Variants in UCHL5 observed in about 807,000 individuals in gnomAD.
UCHL5 encodes ubiquitin C-terminal hydrolase L5, also known as ubiquitin carboxyl-terminal hydrolase isozyme L5.
In UCHL5, 34 loss-of-function variants were observed where a neutral mutation model predicts 53.8. The observed-to-expected ratio is 0.63, with a 90% confidence interval of 0.48 to 0.84. The LOEUF is 0.84. Ranked by LOEUF, UCHL5 falls within the 40% of genes least tolerant of loss-of-function variation. UCHL5 has a pLI of 0.00. For missense variants in UCHL5, 290 were observed against 385.6 expected (o/e 0.75, Z 2.08); for synonymous variants, 111 against 126.3 (o/e 0.88, Z 0.81).
intron 3 of UCHL5, among the ~76,000 whole-genome samples, chr1:193,048,817 T>C (rs1165490036): frequency 6.6e-6 from 1 of 152,252 alleles, no homozygotes; most frequent in East Asian, 1.9e-4. Context: ...ATAGTTATTT[T>C]TCATTAAAAA....
chr1:193,056,211 G>C (rs762541182), intron 1 of UCHL5, among the ~76,000 whole-genome samples: 1 of 152,024 alleles, frequency 6.6e-6, no homozygotes, highest in African/African-American at 2.4e-5. Flanking sequence ...AAATTTTAGT[G>C]ATGTCACCTC....
rs1292230119 is a variant in UCHL5 at position 193,012,848 on chromosome 1, A to G, written c.*3503T>C. The G allele has an allele frequency of 6.6e-6, 1 of 152,238 alleles. No homozygotes were observed. The highest frequency in any genetic ancestry group is 1.5e-5 in the Non-Finnish European group (1 of 68,042). 9.4% of individuals were successfully genotyped at this position (152,238 alleles called of 1,614,324 possible). A position where few individuals can be genotyped will look rare whatever the true frequency, so the allele number is the denominator to read the frequency against. On this transcript the variant is annotated 3_prime_UTR_variant, in exon 11 of 11. Coordinates refer to ENST00000367454, the MANE Select transcript of UCHL5 (RefSeq NM_001199261.3). ...ATGTACCTCATAAGATTGGCTGAATAAATCACTGAATAGTTTTCAAAAAGT... is the reference window on the plus strand; with the variant it reads ...ATGTACCTCATAAGATTGGCTGAATGAATCACTGAATAGTTTTCAAAAAGT...
chr1:193,033,850 G>A (rs1422286167), intron 3 of UCHL5, among the ~76,000 whole-genome samples: 1 of 152,128 alleles, frequency 6.6e-6, no homozygotes, highest in African/African-American at 2.4e-5. Flanking sequence ...GTAGGAACTA[G>A]AGAATAGAGA....
Position 193,028,137 on chromosome 1 carries a change from G to T in UCHL5, c.577C>A (p.Gln193Lys). The change falls in exon 7 of 11, where the codon CAA becomes AAA. Residue 193 changes from glutamine (Q) to lysine (K), a missense_variant. Gln to Lys is a moderately conservative substitution (Grantham distance 53). Coordinates refer to ENST00000367454, the MANE Select transcript of UCHL5 (RefSeq NM_001199261.3). The part of the protein sequence containing the change: ...EGPIDLGACN[Q>K]DDWISAVRPV... Reference sequence around the variant, plus strand: ...CTTACTGCACTGATCCAATCATCTTGATTGCATGCACCTAGAAAGAAATTT... The same window carrying T: ...CTTACTGCACTGATCCAATCATCTTTATTGCATGCACCTAGAAAGAAATTT... The T allele has an allele frequency of 6.3e-7, 1 of 1,596,628 alleles. No individual in the cohort carries two copies.
At chr1:193,035,579 A>T (rs2102566077) in intron 3 of UCHL5, among the ~76,000 whole-genome samples, 1 of 152,294 alleles carries the variant, frequency 6.6e-6, no homozygotes, top group South Asian at 2.1e-4. Context: ...GACTTGTTTT[A>T]TGAGAAATGC....
At chr1:193,045,684 C>G (rs1667115941) in intron 3 of UCHL5, among the ~76,000 whole-genome samples, 1 of 152,014 alleles carries the variant, frequency 6.6e-6, no homozygotes, top group African/African-American at 2.4e-5. Flanking sequence ...CAAGAATAAC[C>G]TAACACAAAT....
chr1:193,025,992 C>T (rs1229793574), intron 7 of UCHL5, among the ~76,000 whole-genome samples: 4 of 151,472 alleles, frequency 2.6e-5, no homozygotes, highest in Non-Finnish European at 5.9e-5. Context: ...TAGACCCACA[C>T]CAATATGCTC....
intron 3 of UCHL5, among the ~76,000 whole-genome samples, chr1:193,045,114 T>C (rs1666936767): frequency 6.6e-6 from 1 of 152,230 alleles, no homozygotes; most frequent in Non-Finnish European, 1.5e-5. Context: ...ATTAGTATCT[T>C]AGTGTTAGTA....
At chr1:193,055,153 T>G (rs1341906196) in intron 1 of UCHL5, among the ~76,000 whole-genome samples, 1 of 152,228 alleles carries the variant, frequency 6.6e-6, no homozygotes, top group Non-Finnish European at 1.5e-5. Flanking sequence ...GCACGTCTTC[T>G]GCAAGGAATT....
chr1:193,030,692 C>T (rs1037621156), intron 3 of UCHL5, among the ~76,000 whole-genome samples: 2 of 152,146 alleles, frequency 1.3e-5, no homozygotes, highest in African/African-American at 4.8e-5. Flanking sequence ...TCCAATAATG[C>T]TAATTAGCTT....
chr1:193,027,604 G>A (rs930694330), intron 7 of UCHL5, among the ~76,000 whole-genome samples: 2 of 152,142 alleles, frequency 1.3e-5, no homozygotes, highest in African/African-American at 4.8e-5. Flanking sequence ...AGAATCGCTT[G>A]AACTCGGGAG....
intron 7 of UCHL5, among the ~76,000 whole-genome samples, chr1:193,027,614 G>C (rs554022416): frequency 6.6e-6 from 1 of 152,146 alleles, no homozygotes; most frequent in South Asian, 2.1e-4. Context: ...GAACTCGGGA[G>C]GCAGAGGTTG....
rs890378359 is a variant in UCHL5, at chr1:193,048,955, A to G, written c.246+791T>C. ...CCCAGGCTGGAGTGTAGTGGTATGA[A>G]CATATCTCACTCAGCCTCCATATCC... On this transcript the variant is annotated intron_variant, in intron 3 of 10. Coordinates refer to ENST00000367454, the MANE Select transcript of UCHL5 (RefSeq NM_001199261.3). Among the ~76,000 whole-genome samples the G allele has an allele frequency of 2.0e-5, 3 of 152,254 alleles. No individual in the cohort carries two copies. The East Asian group carries it at 5.8e-4, about 29-fold the overall frequency.
In UCHL5 at chr1:193,039,573, G is replaced by C. The variant is rs576134185; in HGVS notation, c.247-9916C>G. 7.2e-5 allele frequency among the ~76,000 whole-genome samples: 11 copies of C among 152,236 alleles called. No homozygotes were observed. In the South Asian group the frequency reaches 2.3e-3, roughly 32 times the overall value. On this transcript the variant is annotated intron_variant, in intron 3 of 10. Transcript: ENST00000367454. ...ATATTGTTAAAATGACAATTCTACT[G>C]AAAGCAATGGACAGATTCAATGCAC...
At chr1:193,033,175 C>T (rs1662102493) in intron 3 of UCHL5, among the ~76,000 whole-genome samples, 2 of 152,158 alleles carry the variant, frequency 1.3e-5, no homozygotes, top group African/African-American at 4.8e-5. Context: ...GGCACATATA[C>T]ACCATGGAAT....
rs149042240 is a variant in UCHL5 at position 193,015,036 on chromosome 1, C to T, written c.*1315G>A. 215 of 152,138 alleles carry T rather than the reference C, an allele frequency of 1.4e-3. No individual in the cohort carries two copies. The highest frequency in any genetic ancestry group is 4.9e-3 in the African/African-American group (203 of 41,538). The allele number at this position is 152,138 out of a possible 1,614,324, so 9.4% of individuals were successfully genotyped here. The stretch of plus-strand genomic sequence containing the variant: ...CTGTATCAACAGCAAAACATATTTA[C>T]CCACAAATAACTGAGAGACTACATA... On this transcript the variant is annotated 3_prime_UTR_variant, in exon 11 of 11. Transcript: ENST00000367454.
rs1324062788 is a variant in UCHL5, at chr1:193,012,456, AAATT to A, written c.*3891_*3894del. The A allele has an allele frequency of 6.6e-6, 1 of 152,200 alleles. No individual in the cohort carries two copies. Among genetic ancestry groups the A allele is most frequent in the Non-Finnish European group, 1.5e-5 (1 of 68,032 alleles). The allele number at this position is 152,200 out of a possible 1,614,324, so 9.4% of individuals were successfully genotyped here. A position where few individuals can be genotyped will look rare whatever the true frequency, so the allele number is the denominator to read the frequency against. On this transcript the variant is annotated 3_prime_UTR_variant, in exon 11 of 11. Coordinates refer to ENST00000367454, the MANE Select transcript of UCHL5 (RefSeq NM_001199261.3). ...CCATTTAACCATCAAACATGATTGC[AAATT>A]AATATTCTTAATTATTGCACATTGG...
intron 7 of UCHL5, among the ~76,000 whole-genome samples, chr1:193,027,558 G>A (rs1250667898): frequency 1.3e-5 from 2 of 152,044 alleles, no homozygotes; most frequent in Non-Finnish European, 2.9e-5. Flanking sequence ...GGTGGCATGT[G>A]CCCATAATCC....
At chr1:193,020,701 T>C (rs1656663618) in intron 10 of UCHL5, among the ~76,000 whole-genome samples, 1 of 149,446 alleles carries the variant, frequency 6.7e-6, no homozygotes, top group African/African-American at 2.4e-5. Flanking sequence ...GTACAGGCTA[T>C]TTTTTTTTTA....
Sources: allele counts gnomAD v4.1 joint callset (sites outside exome capture counted in the v4.1 genomes callset), GRCh38; gene constraint gnomAD v4.1.1; transcripts MANE v1.5; gene names NCBI Gene and HGNC (gene_info 2026-07-23, HGNC 2026-07-21).